BLTP3A: variants seen among roughly 807,000 people sequenced by gnomAD.
The protein encoded by BLTP3A is ICBP90 binding protein 1.
At chr6:34,824,703 C>CTCTG in the BLTP3A span, among the ~76,000 whole-genome samples, 43 of 151,458 alleles carry the variant, frequency 2.8e-4, no homozygotes, top group Non-Finnish European at 5.6e-4. Flanking sequence ...CAGGGTCTCG[C>CTCTG]TCTGTCACCC....
At chr6:34,833,797 C>T in the BLTP3A span, among the ~76,000 whole-genome samples, 11 of 151,798 alleles carry the variant, frequency 7.2e-5, no homozygotes, top group East Asian at 1.9e-3. Flanking sequence ...AGTGGTGGCG[C>T]GTGGCTCCCA....
chr6:34,855,616 G>T, the BLTP3A span: 1 of 1,613,090 alleles, frequency 6.2e-7, no homozygotes, highest in South Asian at 1.1e-5. Flanking sequence ...TTATTTTATA[G>T]GTGTCTCTGC....
the BLTP3A span, chr6:34,859,069 G>A: frequency 6.2e-7 from 1 of 1,614,224 alleles, no homozygotes; most frequent in Non-Finnish European, 8.5e-7. Context: ...TAGCCTCGTA[G>A]ATTCAGAGCT....
chr6:34,815,342 CG>C, the BLTP3A span, among the ~76,000 whole-genome samples: 17 of 151,948 alleles, frequency 1.1e-4, no homozygotes, highest in African/African-American at 4.1e-4. Context: ...CTCTGCCTTC[CG>C]GGTTCAAGTG....
the BLTP3A span, among the ~76,000 whole-genome samples, chr6:34,823,816 G>A: frequency 6.6e-6 from 1 of 151,844 alleles, no homozygotes; most frequent in Non-Finnish European, 1.5e-5. Flanking sequence ...GATTACGGAT[G>A]TGAACCACCA....
At chr6:34,864,156 G>A in the BLTP3A span, 2 of 1,614,132 alleles carry the variant, frequency 1.2e-6, no homozygotes, top group Non-Finnish European at 1.7e-6. Flanking sequence ...GATTTCAGTG[G>A]ACAGTGATGG....
the BLTP3A span, among the ~76,000 whole-genome samples, chr6:34,832,123 C>CTT: frequency 1.3e-3 from 180 of 141,892 alleles, no homozygotes; most frequent in African/African-American, 3.4e-3. Flanking sequence ...TTTTTTCTTT[C>CTT]TTTTTTTTTT....
the BLTP3A span, among the ~76,000 whole-genome samples, chr6:34,816,756 C>T: frequency 2.0e-5 from 3 of 152,216 alleles, no homozygotes; most frequent in Non-Finnish European, 4.4e-5. Context: ...CAAGAATTCT[C>T]AGCTGGGGTA....
chr6:34,857,080 C>T, the BLTP3A span: 1 of 1,172,860 alleles, frequency 8.5e-7, no homozygotes, highest in Non-Finnish European at 1.2e-6. Flanking sequence ...CTGAGCATGG[C>T]TGGTGAGATC....
At chr6:34,857,995 G>T in the BLTP3A span, 3 of 1,568,368 alleles carry the variant, frequency 1.9e-6, no homozygotes, top group South Asian at 2.4e-5. Flanking sequence ...CCATGGTTTT[G>T]CTCTGTCCAT....
chr6:34,864,220 C>A, the BLTP3A span: 3 of 1,604,468 alleles, frequency 1.9e-6, no homozygotes, highest in Non-Finnish European at 2.6e-6. Flanking sequence ...CAGAGCCAGG[C>A]AAAGTTGCAG....
chr6:34,860,131 AGTT>A, the BLTP3A span, among the ~76,000 whole-genome samples: 1 of 152,100 alleles, frequency 6.6e-6, no homozygotes, highest in Non-Finnish European at 1.5e-5. Flanking sequence ...TAAATAGAAA[AGTT>A]GTGGCTTTGG....
At chr6:34,810,573 A>T in the BLTP3A span, among the ~76,000 whole-genome samples, 1 of 152,138 alleles carries the variant, frequency 6.6e-6, no homozygotes, top group Non-Finnish European at 1.5e-5. Context: ...ACCTTTACTG[A>T]TACTCCCACC....
chr6:34,817,570 A>C, the BLTP3A span, among the ~76,000 whole-genome samples: 1 of 152,096 alleles, frequency 6.6e-6, no homozygotes. Flanking sequence ...AAGCAGCATA[A>C]GTATAATGTT....
At chr6:34,831,490 CT>C in the BLTP3A span, among the ~76,000 whole-genome samples, 11 of 151,966 alleles carry the variant, frequency 7.2e-5, no homozygotes, top group Admixed American at 1.3e-4. Flanking sequence ...TCCAGTATAT[CT>C]TTTTTTTCCA....
At chr6:34,876,447 G>A in the BLTP3A span, 1 of 152,210 alleles carries the variant, frequency 6.6e-6, no homozygotes, top group South Asian at 2.1e-4. Context: ...GTAGTGCAAA[G>A]AAGGTAGTTT....
chr6:34,860,819 A>G, the BLTP3A span, among the ~76,000 whole-genome samples: 1 of 152,208 alleles, frequency 6.6e-6, no homozygotes, highest in African/African-American at 2.4e-5. Flanking sequence ...GAGACAAGTA[A>G]GGGAGATGGA....
At chr6:34,810,563 A>G in the BLTP3A span, among the ~76,000 whole-genome samples, 9 of 152,156 alleles carry the variant, frequency 5.9e-5, no homozygotes, top group Non-Finnish European at 8.8e-5. Flanking sequence ...GCTCATTGCA[A>G]CCTTTACTGA....
At chr6:34,875,465 A>G in the BLTP3A span, 1 of 152,168 alleles carries the variant, frequency 6.6e-6, no homozygotes. Context: ...TACCTCTGGC[A>G]TCCCTCCATG....
Sources: gnomAD v4.1 joint callset for allele counts (sites outside exome capture counted in the v4.1 genomes callset) on GRCh38, gnomAD v4.1.1 for gene constraint, MANE v1.5 for transcripts, NCBI Gene and HGNC (gene_info 2026-07-23, HGNC 2026-07-21) for gene names.